The following CHCHD3 variants were observed in gnomAD, a reference collection of about 807,000 sequenced individuals.
The protein encoded by CHCHD3 is coiled-coil-helix-coiled-coil-helix domain containing 3.
Under a neutral mutation model 38.2 loss-of-function variants are expected in CHCHD3, and 20 were observed. The ratio of observed to expected loss-of-function variants is 0.52; its 90% CI spans 0.37 to 0.76. The LOEUF (loss-of-function observed/expected upper bound fraction) is 0.76. CHCHD3 is among the 30% of genes least tolerant of loss of function. The pLI, the probability that CHCHD3 is intolerant of heterozygous loss-of-function variation, is 0.00. For synonymous variants in CHCHD3, 82 were observed against 100.0 expected, an observed-to-expected ratio of 0.82 and a Z score of 1.07; for missense variants, 245 against 279.2, an observed-to-expected ratio of 0.88 and a Z score of 0.87.
intron 7 of CHCHD3, among the ~76,000 whole-genome samples, chr7:132,791,994 G>A (rs144937194): frequency 4.5e-4 from 68 of 152,278 alleles, no homozygotes; most frequent in African/African-American, 1.4e-3. Flanking sequence ...AACTGTTTGC[G>A]TGGCTACTGT....
At position 132,796,100 on chromosome 7, in the gene CHCHD3, C is replaced by T. The variant is rs996459467; in HGVS notation, c.660+342G>A. ...AAGGTGCCAGCTCTTAATCTGTATC[C>T]TCTTCGCTAGCTCTAAATATTGGCC... On this transcript the variant is annotated intron_variant, in intron 7 of 7. Transcript: ENST00000262570. Among the ~76,000 whole-genome samples, 5 of 152,068 alleles carry T rather than the reference C, an allele frequency of 3.3e-5. No homozygotes were observed. The South Asian group carries it at 6.2e-4, about 19-fold the overall frequency.
chr7:133,003,183 G>A (rs1271013610), intron 3 of CHCHD3, among the ~76,000 whole-genome samples: 1 of 152,170 alleles, frequency 6.6e-6, no homozygotes, highest in Non-Finnish European at 1.5e-5. Context: ...AAATGTTTCA[G>A]AGACAATGTG....
At position 132,981,278 on chromosome 7, in the gene CHCHD3, T is replaced by C. The variant is rs1811912754; in HGVS notation, c.252-5992A>G. Among the ~76,000 whole-genome samples the C allele has an allele frequency of 2.0e-5, 3 of 152,134 alleles. No homozygotes were observed. In the South Asian group the frequency reaches 6.2e-4, roughly 32 times the overall value. On this transcript the variant is annotated intron_variant, in intron 3 of 7. Transcript: ENST00000262570. ...TGTCCACCTCAGCCTCCCAAAGTGC[T>C]GAGATTACAAGCACAAGTCACCACA...
chr7:132,862,609 G>T (rs185125013), intron 5 of CHCHD3, among the ~76,000 whole-genome samples: 10 of 152,286 alleles, frequency 6.6e-5, no homozygotes, highest in Admixed American at 6.5e-4. Flanking sequence ...CAACAATGAA[G>T]TTTGCCACAT....
intron 5 of CHCHD3, among the ~76,000 whole-genome samples, chr7:132,858,043 C>T (rs892567930): frequency 2.6e-5 from 4 of 152,050 alleles, no homozygotes; most frequent in Non-Finnish European, 5.9e-5. Flanking sequence ...GGGCTTTCTT[C>T]GATTCTTTTT....
intron 4 of CHCHD3, among the ~76,000 whole-genome samples, chr7:132,903,322 G>C: frequency 6.7e-6 from 1 of 148,672 alleles, no homozygotes; most frequent in Non-Finnish European, 1.5e-5. Flanking sequence ...ATTCTTTTTA[G>C]TTGTTATATT....
chr7:133,025,520 G>A (rs1337354396), intron 2 of CHCHD3, among the ~76,000 whole-genome samples: 1 of 152,078 alleles, frequency 6.6e-6, no homozygotes, highest in Non-Finnish European at 1.5e-5. Flanking sequence ...TTGTTTGTTT[G>A]TTGAGACAGA....
At chr7:132,965,387 A>G (rs1167446786) in intron 4 of CHCHD3, among the ~76,000 whole-genome samples, 4 of 152,012 alleles carry the variant, frequency 2.6e-5, no homozygotes, top group African/African-American at 4.8e-5. Flanking sequence ...ATAGGAATCA[A>G]TGATAGATGT....
chr7:132,920,789 T>A (rs564272471), intron 4 of CHCHD3, among the ~76,000 whole-genome samples: 4 of 152,208 alleles, frequency 2.6e-5, no homozygotes, highest in African/African-American at 9.6e-5. Context: ...ATTGTTTATA[T>A]GCATCTGTAT....
chr7:133,004,039 C>A (rs981632964), intron 3 of CHCHD3, among the ~76,000 whole-genome samples: 10 of 151,938 alleles, frequency 6.6e-5, no homozygotes, highest in Admixed American at 2.6e-4. Context: ...TTCACTGCAA[C>A]CTCCGCCGTG....
intron 4 of CHCHD3, among the ~76,000 whole-genome samples, chr7:132,926,919 T>C (rs911503987): frequency 1.3e-5 from 2 of 152,162 alleles, no homozygotes; most frequent in Non-Finnish European, 2.9e-5. Context: ...GAGGGGTAAC[T>C]GCATAGGTAT....
intron 5 of CHCHD3, among the ~76,000 whole-genome samples, chr7:132,881,828 C>T (rs898053040): frequency 3.3e-5 from 5 of 152,152 alleles, no homozygotes; most frequent in Admixed American, 2.6e-4. Flanking sequence ...GTAATTCTCA[C>T]TGCCATCACA....
intron 4 of CHCHD3, among the ~76,000 whole-genome samples, chr7:132,932,853 C>A (rs1810547348): frequency 6.6e-6 from 1 of 152,170 alleles, no homozygotes. Context: ...AAATCATTCC[C>A]CATGAGGCCC....
chr7:132,900,555 A>G (rs1809641144), intron 4 of CHCHD3, among the ~76,000 whole-genome samples: 1 of 152,224 alleles, frequency 6.6e-6, no homozygotes, highest in Non-Finnish European at 1.5e-5. Context: ...TCTAGTGCTC[A>G]ACTAAAGAAA....
At chr7:132,877,031 C>T (rs1347456665) in intron 5 of CHCHD3, among the ~76,000 whole-genome samples, 2 of 152,146 alleles carry the variant, frequency 1.3e-5, no homozygotes, top group Non-Finnish European at 2.9e-5. Context: ...TACTTCTTGA[C>T]AGCCTACATG....
At chr7:132,853,601 G>A (rs1329520138) in intron 5 of CHCHD3, among the ~76,000 whole-genome samples, 1 of 152,064 alleles carries the variant, frequency 6.6e-6, no homozygotes, top group African/African-American at 2.4e-5. Context: ...CAGCCTGGGC[G>A]ACAGAGCGAT....
Position 133,046,724 on chromosome 7 carries a change from G to T in CHCHD3, c.170-22097C>A, listed in dbSNP as rs184105667. ...ACTACAGGCGCCCGCCACCACACCCGGCTAATTTTTTGTGTTTTTTAGTAG... is the reference window on the plus strand; with the variant it reads ...ACTACAGGCGCCCGCCACCACACCCTGCTAATTTTTTGTGTTTTTTAGTAG... On this transcript the variant is annotated intron_variant, in intron 2 of 7. Coordinates refer to ENST00000262570, the MANE Select transcript of CHCHD3 (RefSeq NM_017812.4). Among the ~76,000 whole-genome samples the T allele has an allele frequency of 1.6e-3, 246 of 152,128 alleles. 3 individuals are homozygous for T. The highest frequency in any genetic ancestry group is 5.4e-3 in the African/African-American group (224 of 41,516).
At chr7:132,935,620 AC>A (rs1385458469) in intron 4 of CHCHD3, among the ~76,000 whole-genome samples, 1 of 152,170 alleles carries the variant, frequency 6.6e-6, no homozygotes, top group East Asian at 1.9e-4. Flanking sequence ...CTAAGAAAAC[AC>A]ATTTATACTA....
Position 133,082,085 on chromosome 7 carries a change from G to A in CHCHD3, c.-148C>T, listed in dbSNP as rs545069358. On this transcript the variant is annotated 5_prime_UTR_variant, in exon 1 of 8. Coordinates refer to ENST00000262570, the MANE Select transcript of CHCHD3 (RefSeq NM_017812.4). ...CCCCCAGAAGCAAGGAGAAGGCGCC[G>A]GTCCTGAGCTCCCGCCTCCTCCGGT... The A allele has an allele frequency of 6.0e-6, 4 of 671,924 alleles. No homozygotes were observed. Among genetic ancestry groups the A allele is most frequent in the East Asian group, 6.2e-5 (2 of 32,004 alleles). 41.6% of individuals were successfully genotyped at this position (671,924 alleles called of 1,614,324 possible).
Sources: gnomAD v4.1 joint callset for allele counts (sites outside exome capture counted in the v4.1 genomes callset) on GRCh38, gnomAD v4.1.1 for gene constraint, MANE v1.5 for transcripts, NCBI Gene and HGNC (gene_info 2026-07-23, HGNC 2026-07-21) for gene names.